Variants in SLIT3 observed in about 807,000 individuals in gnomAD.
SLIT3 encodes the protein slit homolog 3 protein.
SLIT3 carries 68 observed loss-of-function variants against 184.0 expected under a neutral mutation model. The observed-to-expected ratio is 0.37, with a 90% CI of 0.30 to 0.45. The LOEUF (loss-of-function observed/expected upper bound fraction) is 0.45. SLIT3 is among the 20% of genes least tolerant of loss of function. The pLI, the probability that SLIT3 is intolerant of heterozygous loss-of-function variation, is 1.00. For missense variants in SLIT3, 1,707 were observed against 2,026.0 expected (o/e 0.84, Z 3.02); for synonymous variants, 831 against 828.6 (o/e 1.00, Z -0.05).
intron 16 of SLIT3, among the ~76,000 whole-genome samples, chr5:168,759,554 G>T (rs1008969538): frequency 2.6e-5 from 4 of 152,126 alleles, no homozygotes; most frequent in Admixed American, 2.0e-4. Context: ...CCACAAACAT[G>T]CAAAACCCAC....
intron 4 of SLIT3, among the ~76,000 whole-genome samples, chr5:169,134,121 C>T (rs1237304925): frequency 1.3e-5 from 2 of 152,194 alleles, no homozygotes. Flanking sequence ...AGATAAAAAG[C>T]AACTGATTCC....
At chr5:169,169,930 G>T (rs748827305) in intron 4 of SLIT3, among the ~76,000 whole-genome samples, 2 of 152,218 alleles carry the variant, frequency 1.3e-5, no homozygotes, top group African/African-American at 4.8e-5. Context: ...GCCACAGAGC[G>T]CAAGTCCAGC....
At position 169,010,769 on chromosome 5, in the gene SLIT3, G is replaced by A. The variant is rs147324855; in HGVS notation, c.414-127433C>T. Among the ~76,000 whole-genome samples, 121 of 152,102 alleles carry A rather than the reference G, an allele frequency of 8.0e-4. 1 individual carries two copies. Among genetic ancestry groups the A allele is most frequent in the African/African-American group, 2.8e-3 (115 of 41,484 alleles). On this transcript the variant is annotated intron_variant, in intron 4 of 35. Transcript: ENST00000519560. ...TACAAAACAATTAGCCAGGCGTGGC[G>A]GCATATGCCTGCAGTCCCAGCTACT...
chr5:168,805,722 G>C (rs189016274), intron 9 of SLIT3, among the ~76,000 whole-genome samples: 1 of 152,238 alleles, frequency 6.6e-6, no homozygotes, highest in Admixed American at 6.5e-5. Context: ...TAATCTAGAG[G>C]ACAAAAATCA....
intron 4 of SLIT3, among the ~76,000 whole-genome samples, chr5:169,118,894 T>G (rs1760783613): frequency 6.6e-6 from 1 of 152,256 alleles, no homozygotes. Context: ...ATTTTTAATT[T>G]TTTTTTTACA....
chr5:169,079,510 A>G (rs1581383980), intron 4 of SLIT3, among the ~76,000 whole-genome samples: 3 of 95,082 alleles, frequency 3.2e-5, no homozygotes, highest in African/African-American at 4.4e-5. Context: ...GAGGAGGAGG[A>G]AGGAGGAGAG....
intron 4 of SLIT3, among the ~76,000 whole-genome samples, chr5:169,112,685 C>T (rs1339734043): frequency 1.3e-5 from 2 of 152,154 alleles, no homozygotes; most frequent in African/African-American, 4.8e-5. Context: ...TCATGGACTA[C>T]ATCACCAGCT....
intron 4 of SLIT3, among the ~76,000 whole-genome samples, chr5:169,095,854 C>T (rs994820106): frequency 4.6e-5 from 7 of 152,152 alleles, no homozygotes; most frequent in African/African-American, 1.7e-4. Flanking sequence ...ACCTTCTGCC[C>T]AAGTATCTTA....
chr5:169,122,988 T>C (rs17070829), intron 4 of SLIT3, among the ~76,000 whole-genome samples: 31,241 of 151,998 alleles, frequency 0.21, 3,741 homozygotes, highest in Middle Eastern at 0.29. Context: ...CTCTTTATAA[T>C]ACAATATGGT....
chr5:168,972,779 C>T (rs531977031), intron 4 of SLIT3, among the ~76,000 whole-genome samples: 1 of 152,262 alleles, frequency 6.6e-6, no homozygotes, highest in Non-Finnish European at 1.5e-5. Context: ...CTTGTTGCCT[C>T]ACATTGGGTG....
intron 3 of SLIT3, among the ~76,000 whole-genome samples, chr5:169,233,645 TA>T (rs1368235636): frequency 6.6e-6 from 1 of 152,238 alleles, no homozygotes; most frequent in Non-Finnish European, 1.5e-5. Flanking sequence ...ACTTAAAATT[TA>T]AAAAAGAATT....
intron 4 of SLIT3, among the ~76,000 whole-genome samples, chr5:169,157,613 C>T (rs1312439643): frequency 5.9e-5 from 9 of 152,086 alleles, no homozygotes; most frequent in African/African-American, 2.2e-4. Context: ...TCAATAAGAT[C>T]CAGAGTCGCA....
chr5:169,251,581 C>T (rs1037335253), intron 1 of SLIT3, 122 bp from the exon 2 acceptor site: 21 of 717,252 alleles, frequency 2.9e-5, no homozygotes, highest in African/African-American at 6.9e-5. Context: ...TGATGATTAA[C>T]GATATCCCTT....
At chr5:168,740,659 G>A (rs76806756) in intron 20 of SLIT3, among the ~76,000 whole-genome samples, 3,039 of 152,196 alleles carry the variant, frequency 0.02, 99 homozygotes, top group African/African-American at 0.069. Flanking sequence ...CTCCACCCCA[G>A]GAAGACGGTT....
At position 168,671,316 on chromosome 5, in the gene SLIT3, C is replaced by T. The variant is rs762740932; in HGVS notation, c.4009G>A (p.Val1337Met). 34 of 1,613,876 alleles carry T rather than the reference C, an allele frequency of 2.1e-5. No homozygotes were observed. Among genetic ancestry groups the T allele is most frequent in the Admixed American group, 8.3e-5 (5 of 60,000 alleles). ...GVSPGCKSCT[V>M]CKHGLCRSVE... The stretch of plus-strand genomic sequence containing the variant: ...GAGCGGCACAGGCCGTGCTTGCACA[C>T]GGTGCAGGACTTGCAGCCTGGTGAC... Residue 1337 changes from valine to methionine, a missense_variant, in exon 34 of 36, where the codon GTG becomes ATG. Transcript: ENST00000519560.
chr5:168,780,506 T>G (rs375545322), intron 12 of SLIT3, among the ~76,000 whole-genome samples: 12 of 152,220 alleles, frequency 7.9e-5, no homozygotes, highest in African/African-American at 2.9e-4. Flanking sequence ...TTTCTCTAGC[T>G]CCTTTAGTAG....
intron 3 of SLIT3, among the ~76,000 whole-genome samples, chr5:169,212,231 C>T (rs1048093063): frequency 3.3e-5 from 5 of 152,164 alleles, no homozygotes; most frequent in South Asian, 2.1e-4. Flanking sequence ...AATTTACACT[C>T]CCCCCAACAG....
At chr5:169,007,221 A>G (rs1755968729) in intron 4 of SLIT3, among the ~76,000 whole-genome samples, 1 of 152,194 alleles carries the variant, frequency 6.6e-6, no homozygotes, top group Non-Finnish European at 1.5e-5. Context: ...CTCCTCAGCC[A>G]TGTGAAACTG....
At chr5:168,678,810 C>T (rs942783092) in intron 32 of SLIT3, among the ~76,000 whole-genome samples, 1 of 152,122 alleles carries the variant, frequency 6.6e-6, no homozygotes, top group Non-Finnish European at 1.5e-5. Context: ...ACCTAAGGTT[C>T]ACACTAAAAG....
Sources: allele counts gnomAD v4.1 joint callset (sites outside exome capture counted in the v4.1 genomes callset), GRCh38; gene constraint gnomAD v4.1.1; transcripts MANE v1.5; gene names NCBI Gene and HGNC (gene_info 2026-07-23, HGNC 2026-07-21).